RBBP9: variants seen among roughly 807,000 people sequenced by gnomAD.
The protein encoded by RBBP9 is RB binding protein 9, serine hydrolase.
In RBBP9, 20 loss-of-function variants were observed where a neutral mutation model predicts 24.2. That is an observed-to-expected ratio of 0.83 (90% CI 0.58 to 1.20). RBBP9 has a LOEUF of 1.20. Ranked by LOEUF, RBBP9 falls within the 50% of genes most tolerant of loss-of-function variation. The pLI is 0.00. For missense variants in RBBP9, 234 were observed against 233.6 expected (o/e 1.00, Z -0.01); for synonymous variants, 74 against 84.6 (o/e 0.87, Z 0.69).
chr20:18,495,973 T>C, intron 1 of RBBP9, 93 bp from the exon 2 acceptor site: 5 of 1,050,950 alleles, frequency 4.8e-6, no homozygotes, highest in Non-Finnish European at 6.9e-6. Flanking sequence ...ATATGATCGT[T>C]ACCAATTCAG....
At position 18,489,561 on chromosome 20, in the gene RBBP9, G is replaced by A. The variant is rs1568586260; in HGVS notation, c.*203C>T. 3.8e-6 allele frequency: 2 copies of A among 522,644 alleles called. No individual in the cohort carries two copies. The highest frequency in any genetic ancestry group is 3.8e-5 in the African/African-American group (2 of 52,598). 32.4% of individuals were successfully genotyped at this position (522,644 alleles called of 1,614,324 possible). A position where few individuals can be genotyped will look rare whatever the true frequency, so the allele number is the denominator to read the frequency against. On this transcript the variant is annotated 3_prime_UTR_variant, in exon 5 of 5. Transcript: ENST00000337227. ...TCTTATCAAATGAGGAAAATACTGT[G>A]GTAGTTCATAGCAATTTGGGGAGTT...
rs2148875135 is a variant in RBBP9 at position 18,495,877 on chromosome 20, G to GT, written c.102dup (p.Pro35ThrfsTer8). 6.4e-7 allele frequency: 1 copy of GT among 1,553,764 alleles called. No individual in the cohort carries two copies. The highest frequency in any genetic ancestry group is 8.8e-7 in the Non-Finnish European group (1 of 1,134,722). On this transcript the variant is annotated frameshift_variant, in exon 2 of 5. Coordinates refer to ENST00000337227, the MANE Select transcript of RBBP9 (RefSeq NM_006606.3). LOFTEE classifies it high-confidence loss of function. ...TTTTTAGCCAAACACTGGAAACCAG[G>GT]TATCTATGATATGAGGGGGGAGAAA...
intron 2 of RBBP9, among the ~76,000 whole-genome samples, chr20:18,494,282 CTTT>C (rs34967358): frequency 3.4e-4 from 41 of 122,084 alleles, no homozygotes; most frequent in Non-Finnish European, 5.4e-4. Flanking sequence ...TTTCTTTTCT[CTTT>C]TTTTTTTTTT....
intron 3 of RBBP9, among the ~76,000 whole-genome samples, chr20:18,493,672 GAGA>G (rs891600149): frequency 2.6e-5 from 4 of 152,180 alleles, no homozygotes; most frequent in African/African-American, 7.2e-5. Context: ...GCTGGGAGGA[GAGA>G]AGGAGAGTCT....
At chr20:18,496,903 C>T (rs2059888576) in intron 1 of RBBP9, among the ~76,000 whole-genome samples, 166 bp downstream of exon 1, 1 of 152,092 alleles carries the variant, frequency 6.6e-6, no homozygotes, top group Admixed American at 6.5e-5. Flanking sequence ...AGTCAAAATT[C>T]GACCACTAGC....
intron 2 of RBBP9, among the ~76,000 whole-genome samples, chr20:18,495,544 G>A (rs1439991655): frequency 6.9e-6 from 1 of 145,426 alleles, no homozygotes; most frequent in Non-Finnish European, 1.5e-5. Context: ...CTGTGACCCT[G>A]CCAAATCCCC....
chr20:18,494,285 T>C (rs1278327684), intron 2 of RBBP9, among the ~76,000 whole-genome samples: 398 of 146,402 alleles, frequency 2.7e-3, no homozygotes, highest in African/African-American at 4.7e-3. Flanking sequence ...CTTTTCTCTT[T>C]TTTTTTTTTT....
Position 18,495,108 on chromosome 20 carries a change from C to T in RBBP9, c.142+730G>A, listed in dbSNP as rs572747051. ...GGTGTACCCAACAGCTCATTGAGAA[C>T]GGGCCATGATGACAATGGCAGTTTT... On this transcript the variant is annotated intron_variant, in intron 2 of 4. Transcript: ENST00000337227. Among the ~76,000 whole-genome samples the T allele has an allele frequency of 3.6e-3, 538 of 149,204 alleles. 2 individuals are homozygous for T. Among genetic ancestry groups the T allele is most frequent in the Middle Eastern group, 0.014 (4 of 294 alleles).
At position 18,488,899 on chromosome 20, in the gene RBBP9, T is replaced by C. The variant is rs569249964; in HGVS notation, c.*865A>G. On this transcript the variant is annotated 3_prime_UTR_variant, in exon 5 of 5. Transcript: ENST00000337227. ...CTTGCAGTGTTTGTAAATTTTTTGA[T>C]GTATACTGTTATTGCCAACTTACAT... 1.3e-5 allele frequency: 2 copies of C among 152,330 alleles called. No homozygotes were observed. The highest frequency in any genetic ancestry group is 4.1e-4 in the South Asian group (2 of 4,834). The allele number at this position is 152,330 out of a possible 1,614,324, so 9.4% of individuals were successfully genotyped here.
intron 3 of RBBP9, among the ~76,000 whole-genome samples, chr20:18,492,855 T>C (rs759527712): frequency 3.1e-4 from 47 of 152,238 alleles, no homozygotes; most frequent in Non-Finnish European, 5.4e-4. Context: ...AAAAATGCAG[T>C]TGGCCTTGAG....
rs374078420 is a variant in RBBP9 at position 18,497,204 on chromosome 20, A to G, written c.-37T>C. 5 of 1,541,022 alleles carry G rather than the reference A, an allele frequency of 3.2e-6. No homozygotes were observed. The Admixed American group carries it at 5.1e-5, about 16-fold the overall frequency. On this transcript the variant is annotated 5_prime_UTR_variant, in exon 1 of 5. Transcript: ENST00000337227. The stretch of plus-strand genomic sequence containing the variant: ...GGCCAGAGTTCCCCAGCGCGGGTCC[A>G]GCGGAGCTGAGCCCAGCCTGCTCCC...
chr20:18,491,099 C>G (rs564673828), intron 3 of RBBP9, among the ~76,000 whole-genome samples: 2 of 152,360 alleles, frequency 1.3e-5, no homozygotes, highest in African/African-American at 4.8e-5. Context: ...TGCAGATTCT[C>G]AGGCTCAGAC....
Position 18,492,443 on chromosome 20 carries a change from T to TA in RBBP9, c.248+1514dup, listed in dbSNP as rs148608718. Among the ~76,000 whole-genome samples the TA allele has an allele frequency of 3.2e-3, 493 of 152,256 alleles. 4 individuals are homozygous for TA. The highest frequency in any genetic ancestry group is 0.012 in the African/African-American group (478 of 41,550). ...GTTGTCTTGTACATTATCCTCTAAATAGGATTGTCTGTTTCCTCCTAACTA... is the reference window on the plus strand; with the variant it reads ...GTTGTCTTGTACATTATCCTCTAAATAAGGATTGTCTGTTTCCTCCTAACTA... On this transcript the variant is annotated intron_variant, in intron 3 of 4. Coordinates refer to ENST00000337227, the MANE Select transcript of RBBP9 (RefSeq NM_006606.3).
At chr20:18,495,060 T>C (rs2424221) in intron 2 of RBBP9, among the ~76,000 whole-genome samples, 150,623 of 150,876 alleles carry the variant, frequency 1, 75,186 homozygotes, top group Middle Eastern at 1. Context: ...AGCCCCTCTG[T>C]CCGGCCACCA....
chr20:18,491,299 T>G (rs2059864559), intron 3 of RBBP9, among the ~76,000 whole-genome samples: 1 of 152,248 alleles, frequency 6.6e-6, no homozygotes, highest in African/African-American at 2.4e-5. Context: ...TCATTTGTGT[T>G]GTCTTATGTA....
chr20:18,489,576 T>C lies in RBBP9; in HGVS notation c.*188A>G. On this transcript the variant is annotated 3_prime_UTR_variant, in exon 5 of 5. Coordinates refer to ENST00000337227, the MANE Select transcript of RBBP9 (RefSeq NM_006606.3). ...AAAATACTGTGGTAGTTCATAGCAA[T>C]TTGGGGAGTTTTAGAGTCTATGGAA... The C allele has an allele frequency of 1.9e-6, 1 of 527,952 alleles. No homozygotes were observed. Among genetic ancestry groups the C allele is most frequent in the East Asian group, 3.0e-5 (1 of 33,300 alleles). 32.7% of individuals were successfully genotyped at this position (527,952 alleles called of 1,614,324 possible). A position where few individuals can be genotyped will look rare whatever the true frequency, so the allele number is the denominator to read the frequency against.
At chr20:18,495,064 G>A (rs1469059668) in intron 2 of RBBP9, among the ~76,000 whole-genome samples, 1 of 151,456 alleles carries the variant, frequency 6.6e-6, no homozygotes, top group African/African-American at 2.4e-5. Context: ...CCTCTGTCCG[G>A]CCACCACCCC....
At chr20:18,491,249 G>T (rs911156213) in intron 3 of RBBP9, among the ~76,000 whole-genome samples, 1 of 152,170 alleles carries the variant, frequency 6.6e-6, no homozygotes, top group Admixed American at 6.5e-5. Context: ...TACCAGAAAT[G>T]TACCTTTGTT....
At position 18,489,716 on chromosome 20, in the gene RBBP9, AT is replaced by A. The variant is rs1414171621; in HGVS notation, c.*47del. The A allele has an allele frequency of 3.2e-6, 4 of 1,239,126 alleles. No homozygotes were observed. The highest frequency in any genetic ancestry group is 4.7e-6 in the Non-Finnish European group (4 of 849,284). 76.8% of individuals were successfully genotyped at this position (1,239,126 alleles called of 1,614,324 possible). On this transcript the variant is annotated 3_prime_UTR_variant, in exon 5 of 5. Transcript: ENST00000337227. ...GTCTAGTAATCAGCTGATAGTAGAT[AT>A]TATTCTACTCCTATATTGGGATGCA...
Sources: gnomAD v4.1 joint callset for allele counts (sites outside exome capture counted in the v4.1 genomes callset) on GRCh38, gnomAD v4.1.1 for gene constraint, MANE v1.5 for transcripts, NCBI Gene and HGNC (gene_info 2026-07-23, HGNC 2026-07-21) for gene names.